The following GPR39 variants were observed in gnomAD, a reference collection of about 807,000 sequenced individuals.
The protein encoded by GPR39 is G protein-coupled receptor 39, also known as zinc sensing receptor.
GPR39 carries 23 observed loss-of-function variants against 18.4 expected under a neutral mutation model. The ratio of observed to expected loss-of-function variants is 1.25; its 90% confidence interval spans 0.90 to 1.77. The LOEUF is 1.77. Among genes scored for constraint, GPR39 ranks in the 40% most tolerant of loss-of-function variants. GPR39 has a pLI of 0.00. For missense variants in GPR39, 647 were observed against 602.4 expected, an observed-to-expected ratio of 1.07 and a Z score of -0.78; for synonymous variants, 280 against 257.9, an observed-to-expected ratio of 1.09 and a Z score of -0.82.
At chr2:132,485,805 T>G (rs1277057809) in intron 1 of GPR39, among the ~76,000 whole-genome samples, 4 of 152,212 alleles carry the variant, frequency 2.6e-5, no homozygotes, top group Non-Finnish European at 5.9e-5. Context: ...TCCGTGAACG[T>G]TGGGATTAAC....
At chr2:132,528,044 A>G (rs984934649) in intron 1 of GPR39, among the ~76,000 whole-genome samples, 6 of 152,124 alleles carry the variant, frequency 3.9e-5, no homozygotes, top group African/African-American at 1.4e-4. Context: ...GTTTTCTTCT[A>G]GGGTTTTTAT....
intron 1 of GPR39, among the ~76,000 whole-genome samples, chr2:132,512,617 T>G (rs934397996): frequency 1.3e-5 from 2 of 152,206 alleles, no homozygotes; most frequent in Admixed American, 1.3e-4. Flanking sequence ...TGAGCCTCTG[T>G]GATCTCATCT....
intron 1 of GPR39, 124 bp downstream of exon 1, chr2:132,418,022 G>A: frequency 1.6e-6 from 2 of 1,224,260 alleles, no homozygotes; most frequent in Non-Finnish European, 1.1e-6. Context: ...AGTTTACTAA[G>A]GTGGAAGAGT....
rs72983701 is a variant in GPR39, at chr2:132,598,012, T to C, written c.857-47089T>C. 5.6e-4 allele frequency among the ~76,000 whole-genome samples: 85 copies of C among 152,316 alleles called. 1 individual carries two copies. The highest frequency in any genetic ancestry group is 2.0e-3 in the African/African-American group (84 of 41,568). On this transcript the variant is annotated intron_variant, in intron 1 of 1. Transcript: ENST00000329321. The stretch of plus-strand genomic sequence containing the variant: ...GCACAGCCACATTGAGCTCAGCTAA[T>C]CCATCAGTAGCTGTTTGTTCCTGAG...
chr2:132,430,404 T>G (rs745688823), intron 1 of GPR39, among the ~76,000 whole-genome samples: 1 of 152,166 alleles, frequency 6.6e-6, no homozygotes, highest in Non-Finnish European at 1.5e-5. Context: ...CTTTAGTAAC[T>G]GTGCCAAGGT....
chr2:132,527,258 A>G (rs968398601), intron 1 of GPR39, among the ~76,000 whole-genome samples: 2 of 152,208 alleles, frequency 1.3e-5, no homozygotes, highest in African/African-American at 4.8e-5. Flanking sequence ...TGTCCCTGCA[A>G]AGGACATGTT....
At chr2:132,474,739 T>C (rs1681095235) in intron 1 of GPR39, among the ~76,000 whole-genome samples, 1 of 152,244 alleles carries the variant, frequency 6.6e-6, no homozygotes, top group African/African-American at 2.4e-5. Flanking sequence ...AAGGGCTGCT[T>C]CCTGGCCTTT....
intron 1 of GPR39, among the ~76,000 whole-genome samples, chr2:132,472,579 G>A (rs771042906): frequency 4.6e-5 from 7 of 152,042 alleles, no homozygotes; most frequent in African/African-American, 9.7e-5. Flanking sequence ...TCCTCCATCC[G>A]TTGGTCATAG....
At chr2:132,496,482 C>T (rs1681643861) in intron 1 of GPR39, among the ~76,000 whole-genome samples, 1 of 152,108 alleles carries the variant, frequency 6.6e-6, no homozygotes, top group South Asian at 2.1e-4. Flanking sequence ...AAGGCAACAG[C>T]CTGAAAAATA....
intron 1 of GPR39, among the ~76,000 whole-genome samples, chr2:132,421,625 A>G (rs921589629): frequency 3.9e-5 from 6 of 152,364 alleles, no homozygotes; most frequent in East Asian, 1.9e-4. Context: ...TTGAATATAG[A>G]CATTATTCAT....
chr2:132,573,375 A>T (rs1292146360), intron 1 of GPR39, among the ~76,000 whole-genome samples: 4 of 152,126 alleles, frequency 2.6e-5, no homozygotes, highest in Non-Finnish European at 5.9e-5. Flanking sequence ...GGATTCCCAA[A>T]TAAGAAAAGC....
intron 1 of GPR39, among the ~76,000 whole-genome samples, chr2:132,434,625 A>G (rs922830879): frequency 2.0e-5 from 3 of 152,226 alleles, no homozygotes; most frequent in African/African-American, 7.2e-5. Context: ...CTCTATGGAA[A>G]GGATTGTCAG....
At chr2:132,460,969 G>C (rs1442439841) in intron 1 of GPR39, among the ~76,000 whole-genome samples, 1 of 152,142 alleles carries the variant, frequency 6.6e-6, no homozygotes, top group African/African-American at 2.4e-5. Flanking sequence ...TACATACTTG[G>C]CAAGGGAGTG....
chr2:132,576,655 A>G (rs565474382), intron 1 of GPR39, among the ~76,000 whole-genome samples: 1 of 152,224 alleles, frequency 6.6e-6, no homozygotes, highest in African/African-American at 2.4e-5. Flanking sequence ...TCTGTCACCA[A>G]AACAAGAAAA....
At chr2:132,562,840 C>T (rs556411557) in intron 1 of GPR39, among the ~76,000 whole-genome samples, 1 of 152,234 alleles carries the variant, frequency 6.6e-6, no homozygotes, top group South Asian at 2.1e-4. Context: ...TGCAGCAACA[C>T]CGAGAAAGAG....
At chr2:132,606,737 C>A (rs912259265) in intron 1 of GPR39, among the ~76,000 whole-genome samples, 6 of 152,120 alleles carry the variant, frequency 3.9e-5, no homozygotes, top group Admixed American at 3.3e-4. Context: ...AGGGTGAGTG[C>A]AAGGTTTTAT....
intron 1 of GPR39, among the ~76,000 whole-genome samples, chr2:132,596,782 C>T (rs1288493835): frequency 6.6e-6 from 1 of 152,132 alleles, no homozygotes; most frequent in Non-Finnish European, 1.5e-5. Flanking sequence ...AAACTGAACC[C>T]TAGACAAATT....
At chr2:132,421,526 T>G (rs1461453621) in intron 1 of GPR39, among the ~76,000 whole-genome samples, 1 of 152,204 alleles carries the variant, frequency 6.6e-6, no homozygotes, top group Non-Finnish European at 1.5e-5. Context: ...TACACTCTTT[T>G]GCATTCTGAT....
At chr2:132,633,538 T>A (rs986801504) in intron 1 of GPR39, among the ~76,000 whole-genome samples, 6 of 152,176 alleles carry the variant, frequency 3.9e-5, no homozygotes, top group Non-Finnish European at 1.5e-5. Flanking sequence ...TTTCTGGGCC[T>A]TATCCATGAG....
Sources: allele counts gnomAD v4.1 joint callset (sites outside exome capture counted in the v4.1 genomes callset), GRCh38; gene constraint gnomAD v4.1.1; transcripts MANE v1.5; gene names NCBI Gene and HGNC (gene_info 2026-07-23, HGNC 2026-07-21).